ACOT11: variants seen among roughly 807,000 people sequenced by gnomAD.
The protein encoded by ACOT11 is acyl-coenzyme A thioesterase 11.
ACOT11 carries 69 observed loss-of-function variants against 77.5 expected under a neutral mutation model. The ratio of observed to expected loss-of-function variants is 0.89; its 90% CI spans 0.73 to 1.09. ACOT11 has a LOEUF of 1.09. Ranked by LOEUF, ACOT11 falls within the 50% of genes least tolerant of loss-of-function variation. The probability of loss-of-function intolerance (pLI) is 0.00; values close to 1 mark genes in which losing one functional copy is unlikely to be tolerated. For missense variants in ACOT11, 766 were observed against 813.7 expected (o/e 0.94, Z 0.71); for synonymous variants, 279 against 313.0 (o/e 0.89, Z 1.15).
chr1:54,582,684 A>G (rs553268600), intron 1 of ACOT11: 235 of 269,526 alleles, frequency 8.7e-4, no homozygotes, highest in African/African-American at 5.2e-3. Context: ...GAAATGGGTC[A>G]ATAGTTCTTG....
At position 54,603,829 on chromosome 1, in the gene ACOT11, A is replaced by G. The variant is rs375795128; in HGVS notation, c.1086-42A>G. Reference sequence around the variant, plus strand: ...GCAGTAGAGTCTGTGGAAAGTGCTGAACTTCCAGGGGACCAAGGTTGTCAT... The same window carrying G: ...GCAGTAGAGTCTGTGGAAAGTGCTGGACTTCCAGGGGACCAAGGTTGTCAT... On this transcript the variant is annotated intron_variant, in intron 10 of 15. Coordinates refer to ENST00000343744, the MANE Select transcript of ACOT11 (RefSeq NM_147161.4). The G allele has an allele frequency of 4.4e-6, 7 of 1,596,752 alleles. No individual in the cohort carries two copies. The African/African-American group carries it at 6.7e-5, about 15-fold the overall frequency.
chr1:54,573,023 C>T, intron 1 of ACOT11: 1 of 985,440 alleles, frequency 1.0e-6, no homozygotes, highest in Non-Finnish European at 1.2e-6. Flanking sequence ...GTGCCTTGAC[C>T]CTGGACCATG....
chr1:54,591,879 A>G (rs1407441903), intron 3 of ACOT11, among the ~76,000 whole-genome samples: 1 of 152,252 alleles, frequency 6.6e-6, no homozygotes, highest in Non-Finnish European at 1.5e-5. Context: ...CCTACCTGCC[A>G]AGCTTATTCT....
chr1:54,612,863 G>C (rs1241847918), downstream of ACOT11, among the ~76,000 whole-genome samples: 1 of 152,158 alleles, frequency 6.6e-6, no homozygotes, highest in African/African-American at 2.4e-5. Flanking sequence ...GCTTGTTTCA[G>C]GTCCCATAAA....
At chr1:54,610,912 AG>A (rs533055622), downstream of ACOT11, 164 of 985,304 alleles carry the variant, frequency 1.7e-4, no homozygotes, top group South Asian at 6.9e-3. Context: ...CAAGGGAATG[AG>A]GGGTTTGGAT....
chr1:54,556,187 C>T (rs61776781), intron 1 of ACOT11, among the ~76,000 whole-genome samples: 1 of 152,164 alleles, frequency 6.6e-6, no homozygotes, highest in South Asian at 2.1e-4. Flanking sequence ...AATCAGTTGG[C>T]TGTAAATGTG....
chr1:54,630,608 C>T (rs369772170), intron 15 of ACOT11: 11 of 512,652 alleles, frequency 2.1e-5, no homozygotes, highest in African/African-American at 2.0e-4. Context: ...ATGCTAATGA[C>T]TGGTTTGCTG....
chr1:54,621,257 G>A (rs1457679810), intron 15 of ACOT11, among the ~76,000 whole-genome samples: 4 of 151,862 alleles, frequency 2.6e-5, no homozygotes, highest in Admixed American at 6.6e-5. Flanking sequence ...AGGAGTTCAC[G>A]ATCAGCCTGG....
At chr1:54,582,368 C>T (rs766179815) in intron 1 of ACOT11, 85 of 866,626 alleles carry the variant, frequency 9.8e-5, no homozygotes, top group South Asian at 1.6e-4. Context: ...AAACCTTTGA[C>T]GATGTCCTCC....
intron 8 of ACOT11, among the ~76,000 whole-genome samples, chr1:54,600,815 C>G (rs1643951952): frequency 6.6e-6 from 1 of 152,220 alleles, no homozygotes; most frequent in Non-Finnish European, 1.5e-5. Flanking sequence ...GGCCGTCCAC[C>G]TCCACCTCCT....
Position 54,609,159 on chromosome 1 carries a change from CCAAGGACT to C in ACOT11, c.*50_*57del. On this transcript the variant is annotated 3_prime_UTR_variant, in exon 16 of 16. Coordinates refer to ENST00000343744, the MANE Select transcript of ACOT11 (RefSeq NM_147161.4). ...TGCCCACTCCCACTCCATCCTGTCC[CCAAGGACT>C]CACATACAGTGCCTGGAGAAAGCCA... 3 of 1,612,522 alleles carry C rather than the reference CCAAGGACT, an allele frequency of 1.9e-6. No individual in the cohort carries two copies. The South Asian group carries it at 3.3e-5, about 18-fold the overall frequency.
At chr1:54,574,766 T>C (rs1395573753) in intron 1 of ACOT11, among the ~76,000 whole-genome samples, 2 of 152,128 alleles carry the variant, frequency 1.3e-5, no homozygotes, top group Non-Finnish European at 2.9e-5. Context: ...AAACCCTCTT[T>C]CCACATTTCT....
chr1:54,621,911 A>C (rs1411681638), intron 15 of ACOT11: 1 of 152,360 alleles, frequency 6.6e-6, no homozygotes, highest in Non-Finnish European at 1.5e-5. Flanking sequence ...ACTCCCAAGA[A>C]GGGCACAGGA....
At chr1:54,623,628 C>A in intron 15 of ACOT11, 1 of 499,228 alleles carries the variant, frequency 2.0e-6, no homozygotes, top group Non-Finnish European at 3.6e-6. Flanking sequence ...ACAGGCTAAC[C>A]AGAATATCTA....
intron 15 of ACOT11, among the ~76,000 whole-genome samples, chr1:54,624,122 C>T (rs1180039289): frequency 1.3e-5 from 2 of 152,094 alleles, no homozygotes; most frequent in African/African-American, 4.8e-5. Context: ...TCTGGGGGCC[C>T]TGGTATGGGA....
intron 3 of ACOT11, among the ~76,000 whole-genome samples, chr1:54,588,542 A>C (rs1158045625): frequency 6.6e-6 from 1 of 151,946 alleles, no homozygotes; most frequent in African/African-American, 2.4e-5. Context: ...CTCTTAACCA[A>C]TGGGCTGTAT....
intron 6 of ACOT11, among the ~76,000 whole-genome samples, chr1:54,596,474 A>G (rs1654902896): frequency 6.6e-6 from 1 of 152,218 alleles, no homozygotes; most frequent in Non-Finnish European, 1.5e-5. Flanking sequence ...TACTAAGGAT[A>G]TTCTAACACT....
At chr1:54,554,795 G>C (rs751773023) in intron 1 of ACOT11, among the ~76,000 whole-genome samples, 1 of 152,178 alleles carries the variant, frequency 6.6e-6, no homozygotes, top group Non-Finnish European at 1.5e-5. Context: ...TATATACCCA[G>C]TAGTGGGACT....
intron 13 of ACOT11, among the ~76,000 whole-genome samples, chr1:54,605,855 T>G (rs1410754706): frequency 3.3e-5 from 5 of 152,198 alleles, no homozygotes; most frequent in Non-Finnish European, 7.3e-5. Context: ...ATAGCAAAAT[T>G]TGTGTTTTTC....
Sources: allele counts gnomAD v4.1 joint callset (sites outside exome capture counted in the v4.1 genomes callset), GRCh38; gene constraint gnomAD v4.1.1; transcripts MANE v1.5; gene names NCBI Gene and HGNC (gene_info 2026-07-23, HGNC 2026-07-21).